Variants in FAM240A observed in about 807,000 individuals in gnomAD.
FAM240A encodes the protein protein FAM240A.
Under a neutral mutation model 7.3 loss-of-function variants are expected in FAM240A, and 8 were observed. That is an observed-to-expected ratio of 1.09 (90% CI 0.64 to 1.97). The LOEUF (loss-of-function observed/expected upper bound fraction) is 1.97, where lower values mean the gene tolerates loss of function less well. FAM240A is among the 30% of genes most tolerant of loss of function. The probability of loss-of-function intolerance (pLI) is 0.00; values close to 1 mark genes in which losing one functional copy is unlikely to be tolerated. For synonymous variants in FAM240A, 32 were observed against 35.9 expected (o/e 0.89, Z 0.38); for missense variants, 90 against 102.2 (o/e 0.88, Z 0.52).
chr3:46,616,510 CCATTAT>C lies in FAM240A; in HGVS notation c.16-672_16-667del, dbSNP rs1697630036. Among the ~76,000 whole-genome samples, 3 of 152,246 alleles carry C rather than the reference CCATTAT, an allele frequency of 2.0e-5. No homozygotes were observed. In the South Asian group the frequency reaches 6.2e-4, roughly 32 times the overall value. On this transcript the variant is annotated intron_variant, in intron 1 of 2. Transcript: ENST00000640551. The stretch of plus-strand genomic sequence containing the variant: ...CTCTTTCCTTCTGAGTCTCCAATGC[CCATTAT>C]ACCACTCTGTTTGCCTTTATAAACC...
At chr3:46,613,562 A>T (rs1193931797) in intron 1 of FAM240A, among the ~76,000 whole-genome samples, 1 of 152,068 alleles carries the variant, frequency 6.6e-6, no homozygotes, top group African/African-American at 2.4e-5. Flanking sequence ...TACCCTAAAA[A>T]GTGCCCCCAT....
At chr3:46,613,602 C>G (rs934082738) in intron 1 of FAM240A, among the ~76,000 whole-genome samples, 33 of 152,188 alleles carry the variant, frequency 2.2e-4, no homozygotes, top group Non-Finnish European at 3.4e-4. Context: ...CCTCCCCCAA[C>G]TCGACCTCAG....
At chr3:46,614,901 C>A (rs921009428) in intron 1 of FAM240A, among the ~76,000 whole-genome samples, 3 of 152,020 alleles carry the variant, frequency 2.0e-5, no homozygotes, top group African/African-American at 7.3e-5. Flanking sequence ...TAATGATGTC[C>A]CTATGCCAGA....
At chr3:46,617,588 G>A (rs971301580) in intron 2 of FAM240A, among the ~76,000 whole-genome samples, 1 of 152,110 alleles carries the variant, frequency 6.6e-6, no homozygotes, top group Admixed American at 6.5e-5. Context: ...AATGCCAGAT[G>A]GGCATCTTAG....
chr3:46,624,880 TC>T (rs1311350856), intron 2 of FAM240A, among the ~76,000 whole-genome samples: 2 of 151,572 alleles, frequency 1.3e-5, no homozygotes, highest in African/African-American at 4.8e-5. Flanking sequence ...CAAAGGAAAA[TC>T]CAGAGAATTA....
At chr3:46,614,850 C>T (rs1210864068) in intron 1 of FAM240A, among the ~76,000 whole-genome samples, 1 of 152,216 alleles carries the variant, frequency 6.6e-6, no homozygotes, top group Non-Finnish European at 1.5e-5. Context: ...TAAAGATTCA[C>T]ACTTATTCAA....
intron 1 of FAM240A, among the ~76,000 whole-genome samples, chr3:46,615,092 C>T (rs978249925): frequency 6.6e-6 from 1 of 152,156 alleles, no homozygotes; most frequent in Admixed American, 6.5e-5. Context: ...ATGTGACAAA[C>T]AGACGGCGCA....
chr3:46,617,451 C>G, intron 2 of FAM240A, 123 bp downstream of exon 2: 2 of 751,886 alleles, frequency 2.7e-6, no homozygotes, highest in South Asian at 2.7e-5. Context: ...CCTGAGCCCC[C>G]ACGCAATTGC....
chr3:46,618,688 A>T (rs1039918020), intron 2 of FAM240A, among the ~76,000 whole-genome samples: 3 of 151,746 alleles, frequency 2.0e-5, no homozygotes, highest in African/African-American at 7.3e-5. Flanking sequence ...TAAAAATACA[A>T]AATTAGCTAG....
At chr3:46,621,634 C>A (rs1697695908) in intron 2 of FAM240A, among the ~76,000 whole-genome samples, 2 of 152,062 alleles carry the variant, frequency 1.3e-5, no homozygotes, top group African/African-American at 2.4e-5. Context: ...CTACCACGAG[C>A]CTGTAGTCCC....
chr3:46,622,850 T>C (rs1697712765), intron 2 of FAM240A, among the ~76,000 whole-genome samples: 1 of 152,228 alleles, frequency 6.6e-6, no homozygotes, highest in African/African-American at 2.4e-5. Context: ...TCCTAGGTTA[T>C]CTGCATTTTC....
chr3:46,622,651 C>T (rs1303382530), intron 2 of FAM240A, among the ~76,000 whole-genome samples: 1 of 152,198 alleles, frequency 6.6e-6, no homozygotes, highest in East Asian at 1.9e-4. Context: ...TTCTCCACTA[C>T]ATTGTCTTTG....
chr3:46,616,868 G>C (rs1679671106), intron 1 of FAM240A, among the ~76,000 whole-genome samples: 1 of 152,098 alleles, frequency 6.6e-6, no homozygotes, highest in South Asian at 2.1e-4. Flanking sequence ...CTTTGGGTAG[G>C]TACCCAGTAG....
chr3:46,615,501 A>G (rs111474803), intron 1 of FAM240A, among the ~76,000 whole-genome samples: 471 of 152,142 alleles, frequency 3.1e-3, no homozygotes, highest in African/African-American at 0.011. Flanking sequence ...CCAGCAGCCC[A>G]GTTCCTCCTC....
chr3:46,622,281 AT>A (rs1313439180), intron 2 of FAM240A, among the ~76,000 whole-genome samples: 18 of 150,828 alleles, frequency 1.2e-4, no homozygotes, highest in African/African-American at 2.4e-4. Context: ...AATTTTTTGT[AT>A]TTTTTAGTAG....
rs79036361 is a variant in FAM240A, at chr3:46,615,781, A to G, written c.16-1402A>G. On this transcript the variant is annotated intron_variant, in intron 1 of 2. Transcript: ENST00000640551. ...TCTGAAAGTTAAGCAGAGTTTCTGC[A>G]TGTAATAAGTGAGCATTTTGAGTGT... 8.9e-3 allele frequency among the ~76,000 whole-genome samples: 1,352 copies of G among 152,282 alleles called. 4 individuals carry two copies. Among genetic ancestry groups the G allele is most frequent in the Non-Finnish European group, 0.013 (912 of 68,026 alleles).
At chr3:46,612,831 G>A (rs927157674) in intron 1 of FAM240A, 133 bp downstream of exon 1, 14 of 726,520 alleles carry the variant, frequency 1.9e-5, no homozygotes, top group Admixed American at 4.3e-5. Context: ...ATTAGATGGC[G>A]TTTTGGGCAG....
chr3:46,624,963 T>TTATATATATATATA (rs10539495), intron 2 of FAM240A, among the ~76,000 whole-genome samples, 165 bp from the exon 3 acceptor site: 77 of 146,628 alleles, frequency 5.3e-4, no homozygotes, highest in African/African-American at 1.9e-3. Flanking sequence ...TATGAATAAA[T>TTATATATATATATA]TATATATATA....
intron 2 of FAM240A, among the ~76,000 whole-genome samples, chr3:46,618,322 G>A (rs528714061): frequency 1.0e-3 from 159 of 152,312 alleles, no homozygotes; most frequent in Non-Finnish European, 1.6e-3. Flanking sequence ...AGCTGACTTG[G>A]GTGGCCAGTC....
Sources: allele counts gnomAD v4.1 joint callset (sites outside exome capture counted in the v4.1 genomes callset), GRCh38; gene constraint gnomAD v4.1.1; transcripts MANE v1.5; gene names NCBI Gene and HGNC (gene_info 2026-07-23, HGNC 2026-07-21).